Variants in SLC24A2 observed in about 807,000 individuals in gnomAD.
SLC24A2 encodes the protein sodium/potassium/calcium exchanger 2.
In SLC24A2, 36 loss-of-function variants were observed where a neutral mutation model predicts 62.0. That is an observed-to-expected ratio of 0.58 (90% CI 0.44 to 0.77). SLC24A2 has a LOEUF of 0.77. SLC24A2 is among the 30% of genes least tolerant of loss of function. The pLI is 0.00. For missense variants in SLC24A2, 846 were observed against 817.9 expected, an observed-to-expected ratio of 1.03 and a Z score of -0.42; for synonymous variants, 358 against 294.0, an observed-to-expected ratio of 1.22 and a Z score of -2.23.
chr9:19,524,065 G>T (rs1012465223), intron 9 of SLC24A2, among the ~76,000 whole-genome samples: 3 of 146,432 alleles, frequency 2.0e-5, no homozygotes, highest in Non-Finnish European at 4.5e-5. Context: ...AAAAATCAGG[G>T]AGCATCAGAG....
At chr9:19,895,837 T>G in the SLC24A2 span, 29 of 1,607,316 alleles carry the variant, frequency 1.8e-5, no homozygotes, top group Middle Eastern at 5.1e-4. Flanking sequence ...GGACCGCTCC[T>G]CAGGGGTCAG....
intron 2 of SLC24A2, among the ~76,000 whole-genome samples, chr9:19,635,139 C>G (rs965242459): frequency 3.3e-5 from 5 of 152,186 alleles, no homozygotes; most frequent in African/African-American, 1.2e-4. Flanking sequence ...TGGAAGTCCT[C>G]ACTGCGTTAC....
chr9:19,795,736 C>T, the SLC24A2 span, among the ~76,000 whole-genome samples: 2 of 152,130 alleles, frequency 1.3e-5, no homozygotes, highest in African/African-American at 4.8e-5. Context: ...AAGCCTCCAT[C>T]TCACCATATT....
chr9:20,004,563 T>C, the SLC24A2 span, among the ~76,000 whole-genome samples: 1 of 152,228 alleles, frequency 6.6e-6, no homozygotes, highest in Non-Finnish European at 1.5e-5. Context: ...TATTGAACAA[T>C]GGGATGATCT....
At chr9:19,989,333 A>T in the SLC24A2 span, among the ~76,000 whole-genome samples, 1 of 152,132 alleles carries the variant, frequency 6.6e-6, no homozygotes, top group Non-Finnish European at 1.5e-5. Flanking sequence ...GGGAGGTGAT[A>T]ATACTACAAT....
the SLC24A2 span, among the ~76,000 whole-genome samples, chr9:19,849,587 T>C: frequency 2.0e-5 from 3 of 152,334 alleles, no homozygotes; most frequent in South Asian, 6.2e-4. Flanking sequence ...TATCTAATTT[T>C]AAAAATGAAA....
the SLC24A2 span, among the ~76,000 whole-genome samples, chr9:19,879,867 T>G: frequency 1.3e-5 from 2 of 152,298 alleles, no homozygotes; most frequent in South Asian, 4.2e-4. Context: ...AATAATGTCT[T>G]TTATAATTAC....
intron 8 of SLC24A2, among the ~76,000 whole-genome samples, chr9:19,535,829 C>CT (rs1239936838): frequency 1.3e-5 from 2 of 152,132 alleles, no homozygotes; most frequent in Non-Finnish European, 2.9e-5. Context: ...TATACAGGCT[C>CT]TTTTTTGGTT....
At chr9:19,527,120 T>C (rs1291006483) in intron 9 of SLC24A2, among the ~76,000 whole-genome samples, 1 of 152,222 alleles carries the variant, frequency 6.6e-6, no homozygotes, top group Non-Finnish European at 1.5e-5. Context: ...GTTCTCAGTA[T>C]ATATTTCCTT....
chr9:19,817,726 T>A, the SLC24A2 span, among the ~76,000 whole-genome samples: 1 of 151,958 alleles, frequency 6.6e-6, no homozygotes, highest in African/African-American at 2.4e-5. Context: ...ATAATGTATC[T>A]TTTTATTTAT....
At chr9:19,740,531 T>C (rs1401758479) in intron 2 of SLC24A2, among the ~76,000 whole-genome samples, 1 of 152,242 alleles carries the variant, frequency 6.6e-6, no homozygotes, top group Admixed American at 6.5e-5. Context: ...TGACAGTGGC[T>C]ACTCCTTTGG....
At chr9:19,799,436 G>T in the SLC24A2 span, among the ~76,000 whole-genome samples, 2 of 152,122 alleles carry the variant, frequency 1.3e-5, no homozygotes, top group African/African-American at 4.8e-5. Context: ...AATCCATATT[G>T]TGTCCTTTAC....
intron 7 of SLC24A2, among the ~76,000 whole-genome samples, chr9:19,567,388 T>C (rs1353613700): frequency 2.0e-5 from 3 of 151,034 alleles, no homozygotes; most frequent in Non-Finnish European, 4.4e-5. Flanking sequence ...CTACTAAAAA[T>C]ACAAAAAATT....
At chr9:19,591,382 C>A (rs758748533) in intron 5 of SLC24A2, among the ~76,000 whole-genome samples, 1 of 152,216 alleles carries the variant, frequency 6.6e-6, no homozygotes, top group Non-Finnish European at 1.5e-5. Context: ...GAAGAGACTG[C>A]AAGTTGCCTA....
the SLC24A2 span, among the ~76,000 whole-genome samples, chr9:20,212,676 A>T: frequency 2.3e-3 from 345 of 151,370 alleles, 4 homozygotes; most frequent in Admixed American, 0.021. Context: ...AGATAACAAT[A>T]AGTATGAGTG....
chr9:20,298,331 C>T, the SLC24A2 span, among the ~76,000 whole-genome samples: 6 of 152,328 alleles, frequency 3.9e-5, no homozygotes, highest in East Asian at 5.8e-4. Flanking sequence ...CAGGTTCAAG[C>T]GATTCTCCTG....
the SLC24A2 span, among the ~76,000 whole-genome samples, chr9:19,834,975 A>G: frequency 6.6e-6 from 1 of 152,178 alleles, no homozygotes. Flanking sequence ...CAGCCAAACT[A>G]AACTTCATAA....
intron 2 of SLC24A2, among the ~76,000 whole-genome samples, chr9:19,624,612 T>C (rs756204365): frequency 2.6e-5 from 4 of 152,190 alleles, no homozygotes; most frequent in Admixed American, 1.3e-4. Flanking sequence ...AAATTCTCTA[T>C]AAAATATCCC....
At chr9:19,714,632 A>G (rs1182645) in intron 2 of SLC24A2, among the ~76,000 whole-genome samples, 84,863 of 151,782 alleles carry the variant, frequency 0.56, 23,981 homozygotes, top group East Asian at 0.87. Flanking sequence ...GTATTAAAAA[A>G]TTTTTTTTGC....
Sources: allele counts gnomAD v4.1 joint callset (sites outside exome capture counted in the v4.1 genomes callset), GRCh38; gene constraint gnomAD v4.1.1; transcripts MANE v1.5; gene names NCBI Gene and HGNC (gene_info 2026-07-23, HGNC 2026-07-21).